The following FBXL7 variants were observed in gnomAD, a reference collection of about 807,000 sequenced individuals.
FBXL7 encodes the protein F-box and leucine rich repeat protein 7, also known as F-box/LRR-repeat protein 7.
In FBXL7, 12 loss-of-function variants were observed where a neutral mutation model predicts 38.3. The ratio of observed to expected loss-of-function variants is 0.31; its 90% CI spans 0.20 to 0.51. The LOEUF (loss-of-function observed/expected upper bound fraction) is 0.51, where lower values mean the gene tolerates loss of function less well. Ranked by LOEUF, FBXL7 falls within the 20% of genes least tolerant of loss-of-function variation. FBXL7 has a pLI of 0.98. For synonymous variants in FBXL7, 297 were observed against 300.9 expected, an observed-to-expected ratio of 0.99 and a Z score of 0.13; for missense variants, 567 against 676.4, an observed-to-expected ratio of 0.84 and a Z score of 1.79.
At chr5:15,682,006 T>TC (rs891833338) in intron 2 of FBXL7, among the ~76,000 whole-genome samples, 2 of 152,186 alleles carry the variant, frequency 1.3e-5, no homozygotes, top group Admixed American at 1.3e-4. Context: ...TCTGCGTTAG[T>TC]CAGAATACAC....
At chr5:15,656,582 C>T (rs540460863) in intron 2 of FBXL7, among the ~76,000 whole-genome samples, 8 of 152,190 alleles carry the variant, frequency 5.3e-5, no homozygotes, top group South Asian at 2.1e-4. Flanking sequence ...ATCTCCCACC[C>T]GGTCCCTCCC....
intron 2 of FBXL7, among the ~76,000 whole-genome samples, chr5:15,623,339 A>G (rs1188918158): frequency 6.6e-6 from 1 of 152,348 alleles, no homozygotes; most frequent in Admixed American, 6.5e-5. Flanking sequence ...TGATTTTATA[A>G]TAGCCTTTCA....
chr5:15,816,196 A>G (rs1341986068), intron 2 of FBXL7, among the ~76,000 whole-genome samples: 9 of 152,140 alleles, frequency 5.9e-5, no homozygotes, highest in Non-Finnish European at 1.5e-5. Flanking sequence ...TTGCAGAGAT[A>G]TGAAATGAAC....
intron 2 of FBXL7, among the ~76,000 whole-genome samples, chr5:15,654,771 T>A (rs1369777501): frequency 6.6e-6 from 1 of 152,198 alleles, no homozygotes; most frequent in African/African-American, 2.4e-5. Context: ...ATTGGATAAA[T>A]TTTGGATGAG....
intron 2 of FBXL7, among the ~76,000 whole-genome samples, chr5:15,730,442 T>C (rs1459647105): frequency 6.6e-6 from 1 of 152,158 alleles, no homozygotes; most frequent in Non-Finnish European, 1.5e-5. Flanking sequence ...CTTCATTCTG[T>C]TATATTAAAA....
chr5:15,650,329 A>G (rs1055141779), intron 2 of FBXL7, among the ~76,000 whole-genome samples: 3 of 152,244 alleles, frequency 2.0e-5, no homozygotes, highest in Admixed American at 2.0e-4. Flanking sequence ...AAAACAATGT[A>G]TAGACCTTAA....
chr5:15,565,299 A>T (rs946317652), intron 1 of FBXL7, among the ~76,000 whole-genome samples: 2 of 152,110 alleles, frequency 1.3e-5, no homozygotes, highest in African/African-American at 4.8e-5. Context: ...AGGAAAGGAA[A>T]TACTCAAATG....
intron 1 of FBXL7, among the ~76,000 whole-genome samples, chr5:15,520,296 G>A (rs1017024291): frequency 1.3e-5 from 2 of 152,210 alleles, no homozygotes; most frequent in Non-Finnish European, 1.5e-5. Flanking sequence ...ATGCAGCCCA[G>A]TAGGTTTCAG....
At chr5:15,541,703 C>T (rs1422527924) in intron 1 of FBXL7, among the ~76,000 whole-genome samples, 2 of 151,318 alleles carry the variant, frequency 1.3e-5, no homozygotes, top group Admixed American at 1.3e-4. Context: ...CGCCACCACG[C>T]TTGGCTGATT....
intron 2 of FBXL7, among the ~76,000 whole-genome samples, chr5:15,627,306 G>A (rs2126535964): frequency 6.6e-6 from 1 of 152,304 alleles, no homozygotes; most frequent in East Asian, 1.9e-4. Flanking sequence ...GGGAGTGGGT[G>A]TGGGTTGGAG....
chr5:15,766,043 TCTAC>T (rs140480289), intron 2 of FBXL7, among the ~76,000 whole-genome samples: 2,323 of 147,206 alleles, frequency 0.016, 39 homozygotes, highest in African/African-American at 0.046. Context: ...TGTCTGTCTA[TCTAC>T]CTACCTACCT....
At chr5:15,860,683 C>T (rs193146774) in intron 2 of FBXL7, among the ~76,000 whole-genome samples, 5 of 152,196 alleles carry the variant, frequency 3.3e-5, no homozygotes, top group Admixed American at 6.5e-5. Context: ...TCCTCATTTT[C>T]GTAGTTGTCA....
chr5:15,591,835 T>C (rs2126481464), intron 1 of FBXL7, among the ~76,000 whole-genome samples: 1 of 152,218 alleles, frequency 6.6e-6, no homozygotes, highest in East Asian at 1.9e-4. Context: ...CTCAGCCTCC[T>C]GAGTAGCTAG....
At chr5:15,552,373 A>G (rs981712804) in intron 1 of FBXL7, among the ~76,000 whole-genome samples, 3 of 152,082 alleles carry the variant, frequency 2.0e-5, no homozygotes, top group African/African-American at 7.2e-5. Context: ...TCATGCCATC[A>G]TCTCTCCCTT....
chr5:15,521,630 G>A (rs1737098633), intron 1 of FBXL7, among the ~76,000 whole-genome samples: 1 of 152,182 alleles, frequency 6.6e-6, no homozygotes, highest in African/African-American at 2.4e-5. Context: ...TGAGAACACA[G>A]AGCCTACTCC....
chr5:15,519,455 AAC>A (rs1737038778), intron 1 of FBXL7, among the ~76,000 whole-genome samples: 1 of 144,188 alleles, frequency 6.9e-6, no homozygotes, highest in African/African-American at 2.8e-5. Context: ...AAAAAAAAAA[AAC>A]AAACAAACAA....
At chr5:15,931,905 C>T (rs189636234) in intron 3 of FBXL7, among the ~76,000 whole-genome samples, 24 of 152,300 alleles carry the variant, frequency 1.6e-4, no homozygotes, top group African/African-American at 5.8e-4. Context: ...CCCCGGCTCA[C>T]CCCCAGTGAG....
intron 2 of FBXL7, among the ~76,000 whole-genome samples, chr5:15,704,431 T>C (rs538421104): frequency 2.0e-5 from 3 of 152,334 alleles, no homozygotes; most frequent in South Asian, 2.1e-4. Flanking sequence ...GAAAACTTGT[T>C]GAGGTAAAAA....
chr5:15,553,686 TGTTTA>T (rs1397075974), intron 1 of FBXL7, among the ~76,000 whole-genome samples: 3 of 152,154 alleles, frequency 2.0e-5, no homozygotes, highest in African/African-American at 7.2e-5. Flanking sequence ...AGACATGCAT[TGTTTA>T]GTTGTAAATA....
Sources: gnomAD v4.1 joint callset for allele counts (sites outside exome capture counted in the v4.1 genomes callset) on GRCh38, gnomAD v4.1.1 for gene constraint, MANE v1.5 for transcripts, NCBI Gene and HGNC (gene_info 2026-07-23, HGNC 2026-07-21) for gene names.